Variants in WDR74 observed in about 807,000 individuals in gnomAD.
WDR74 encodes the protein WD repeat domain 74, also known as WD repeat-containing protein 74.
In WDR74, 31 loss-of-function variants were observed where a neutral mutation model predicts 45.6. The ratio of observed to expected loss-of-function variants is 0.68; its 90% confidence interval spans 0.51 to 0.92. The LOEUF is 0.92. Among genes scored for constraint, WDR74 ranks in the 40% least tolerant of loss-of-function variants. The pLI, the probability that WDR74 is intolerant of heterozygous loss-of-function variation, is 0.00. For missense variants in WDR74, 455 were observed against 497.2 expected, an observed-to-expected ratio of 0.92 and a Z score of 0.81; for synonymous variants, 191 against 192.4, an observed-to-expected ratio of 0.99 and a Z score of 0.06.
upstream of WDR74, chr11:62,841,726 G>A (rs1032730630): frequency 3.9e-5 from 6 of 152,116 alleles, no homozygotes; most frequent in Admixed American, 6.5e-5. Flanking sequence ...TTAATATATT[G>A]TCCTCGGATA....
chr11:62,834,798 G>A, intron 6 of WDR74: 1 of 456,256 alleles, frequency 2.2e-6, no homozygotes, highest in Non-Finnish European at 4.0e-6. Context: ...AGGGGAAATG[G>A]AGGGACAGAA....
At chr11:62,834,553 A>C in intron 6 of WDR74, 26 bp from the exon 7 acceptor site, 2 of 1,589,538 alleles carry the variant, frequency 1.3e-6, no homozygotes, top group Non-Finnish European at 1.7e-6. Flanking sequence ...AGCATCACAA[A>C]AGTATCCTCA....
In WDR74 at chr11:62,835,767, T is replaced by C. The variant is rs370083928; in HGVS notation, c.444A>G (p.Thr148=). The C allele has an allele frequency of 1.2e-5, 19 of 1,613,904 alleles. No homozygotes were observed. Among genetic ancestry groups the C allele is most frequent in the Non-Finnish European group, 1.6e-5 (19 of 1,179,832 alleles). ...QDPAHPHVVA[T]GGKENALKIW... is the part of the protein sequence containing the mutation. ...TCTTCAAAGCATTCTCTTTCCCACCTGTGGCAACCACATGGGGGTGTGCTG... is the reference window on the plus strand; with the variant it reads ...TCTTCAAAGCATTCTCTTTCCCACCCGTGGCAACCACATGGGGGTGTGCTG... The change falls in exon 5 of 11, where the codon ACA becomes ACG. Residue 148 remains threonine, a synonymous_variant. Coordinates refer to ENST00000278856, the MANE Select transcript of WDR74 (RefSeq NM_001369450.1).
At chr11:62,839,605 G>T, upstream of WDR74, 1 of 1,574,810 alleles carries the variant, frequency 6.3e-7, no homozygotes, top group Non-Finnish European at 8.6e-7. Context: ...CACACTTCCG[G>T]CGCAGCGTGT....
rs1432638941 is a variant in WDR74 at position 62,833,868 on chromosome 11, G to C, written c.845C>G (p.Pro282Arg). 5.2e-5 allele frequency: 84 copies of C among 1,613,856 alleles called. 1 individual carries two copies. Among genetic ancestry groups the C allele is most frequent in the Non-Finnish European group, 6.4e-5 (76 of 1,179,890 alleles). Residue 282 changes from proline (P) to arginine (R), a missense_variant, in exon 9 of 11, where the codon CCT becomes CGT. Pro to Arg is a moderately radical substitution (Grantham distance 103). Transcript: ENST00000278856. ...VRGLQCHPSK[P>R]LLASCGLDRV... Reference sequence around the variant, plus strand: ...GTCCAAGCCACAGGAGGCTAGTAGAGGCTTTGAAGGGTGGCACTGCAACCC... The same window carrying C: ...GTCCAAGCCACAGGAGGCTAGTAGACGCTTTGAAGGGTGGCACTGCAACCC...
Position 62,835,479 on chromosome 11 carries a change from C to T in WDR74, c.570G>A (p.Gln190=). ...LRVPIWDQDI[Q]FLPGSQKLVT... is the part of the protein sequence containing the mutation. ...CAAGCTTCTGTGATCCTGGGAGAAACTGTATGTCCTGGTCCCAGATGGGAA... is the reference window on the plus strand; with the variant it reads ...CAAGCTTCTGTGATCCTGGGAGAAATTGTATGTCCTGGTCCCAGATGGGAA... The change falls in exon 6 of 11, where the codon CAG becomes CAA. Residue 190 remains glutamine, a synonymous_variant. Transcript: ENST00000278856. 2 of 1,613,998 alleles carry T rather than the reference C, an allele frequency of 1.2e-6. No homozygotes were observed. The highest frequency in any genetic ancestry group is 4.5e-5 in the East Asian group (2 of 44,884).
In WDR74 at chr11:62,839,126, G is replaced by A. The variant is rs1391097475; in HGVS notation, c.281C>T (p.Ala94Val). The A allele has an allele frequency of 1.2e-6, 2 of 1,613,428 alleles. No individual in the cohort carries two copies. Among genetic ancestry groups the A allele is most frequent in the Non-Finnish European group, 1.7e-6 (2 of 1,179,898 alleles). ...GGATTGGTCTTACCCGTCGGCCTGG[G>A]CGAGGCCACGGAACATGCCCTCCCC... ...PGGEGMFRGL[A>V]QADGTLITCV... The change falls in exon 3 of 11, where the codon GCC (alanine) becomes GTC (valine). Residue 94 changes from alanine (A) to valine (V), a missense_variant. Ala to Val is a moderately conservative substitution (Grantham distance 64). Transcript: ENST00000278856.
At chr11:62,834,237 T>C in intron 8 of WDR74, 39 bp downstream of exon 8, 1 of 1,613,638 alleles carries the variant, frequency 6.2e-7, no homozygotes, top group Non-Finnish European at 8.5e-7. Context: ...CCCTTCTCCC[T>C]GCTCCTTCCT....
chr11:62,834,054 G>T lies in WDR74; in HGVS notation c.776-117C>A, dbSNP rs1362494199. On this transcript the variant is annotated intron_variant, in intron 8 of 10. Coordinates refer to ENST00000278856, the MANE Select transcript of WDR74 (RefSeq NM_001369450.1). Reference sequence around the variant, plus strand: ...TAATCTGCAACAAAACCCTGAGACTGGAGCTTCTACTAATATTTCCATTTC... The same window carrying T: ...TAATCTGCAACAAAACCCTGAGACTTGAGCTTCTACTAATATTTCCATTTC... The T allele has an allele frequency of 4.7e-6, 7 of 1,477,890 alleles. No homozygotes were observed. In the East Asian group the frequency reaches 1.6e-4, roughly 34 times the overall value. The allele number at this position is 1,477,890 out of a possible 1,614,324, so 91.5% of individuals were successfully genotyped here.
At chr11:62,838,406 C>T (rs1259727161) in intron 3 of WDR74, among the ~76,000 whole-genome samples, 1 of 151,840 alleles carries the variant, frequency 6.6e-6, no homozygotes, top group Non-Finnish European at 1.5e-5. Context: ...CCACCTATCT[C>T]GGCCTTCCAA....
At chr11:62,833,415 G>T in intron 10 of WDR74, 1 of 697,082 alleles carries the variant, frequency 1.4e-6, no homozygotes, top group Non-Finnish European at 2.3e-6. Context: ...TTTATTCCCT[G>T]CTCCTAGAAA....
intron 3 of WDR74, among the ~76,000 whole-genome samples, chr11:62,837,486 G>A (rs2084975493): frequency 6.9e-6 from 1 of 144,982 alleles, no homozygotes; most frequent in African/African-American, 2.6e-5. Flanking sequence ...AACAGAGTGA[G>A]ACTCCGTATA....
intron 3 of WDR74, 145 bp from the exon 4 acceptor site, chr11:62,836,181 AC>A: frequency 1.2e-6 from 1 of 807,564 alleles, no homozygotes; most frequent in Non-Finnish European, 2.0e-6. Flanking sequence ...ACTCATATCA[AC>A]CAGATTCCCT....
At chr11:62,841,397 A>C (rs890648105), upstream of WDR74, among the ~76,000 whole-genome samples, 2 of 151,808 alleles carry the variant, frequency 1.3e-5, no homozygotes, top group Middle Eastern at 3.4e-3. Flanking sequence ...ACTACCCCAG[A>C]GGCTGAAGTA....
chr11:62,835,163 C>G, intron 6 of WDR74: 1 of 451,668 alleles, frequency 2.2e-6, no homozygotes, highest in Non-Finnish European at 4.0e-6. Flanking sequence ...CCTCTGACAC[C>G]TGCACCCTAT....
At chr11:62,834,630 G>T (rs2084932406) in intron 6 of WDR74, 103 bp from the exon 7 acceptor site, 2 of 1,003,394 alleles carry the variant, frequency 2.0e-6, no homozygotes, top group Non-Finnish European at 2.9e-6. Context: ...TCTTATTTAT[G>T]ATCCACTCCC....
intron 3 of WDR74, 59 bp downstream of exon 3, chr11:62,839,055 C>G (rs2085003159): frequency 6.2e-7 from 1 of 1,604,946 alleles, no homozygotes. Context: ...TTCCAGTATC[C>G]TCAGGGAGCA....
rs1565220982 is a variant in WDR74, at chr11:62,834,347, G to C, written c.720-16C>G. On this transcript the variant is annotated splice_polypyrimidine_tract_variant and intron_variant, in intron 7 of 10. Transcript: ENST00000278856. ...AATCACTGAGCTGAGGATGAGACCA[G>C]AGGCAAGTGGGATCAGCAGTAACCT... 1 of 1,613,792 alleles carries C rather than the reference G, an allele frequency of 6.2e-7. No homozygotes were observed. The highest frequency in any genetic ancestry group is 1.3e-5 in the African/African-American group (1 of 75,014).
chr11:62,837,081 AAAAC>A (rs1263221440), intron 3 of WDR74, among the ~76,000 whole-genome samples: 2 of 152,086 alleles, frequency 1.3e-5, no homozygotes, highest in African/African-American at 4.8e-5. Context: ...GTCTCTCAGA[AAAAC>A]AAAAACAATA....
Sources: allele counts gnomAD v4.1 joint callset (sites outside exome capture counted in the v4.1 genomes callset), GRCh38; gene constraint gnomAD v4.1.1; transcripts MANE v1.5; gene names NCBI Gene and HGNC (gene_info 2026-07-23, HGNC 2026-07-21).